Variants in DENND1B observed in about 807,000 individuals in gnomAD.
DENND1B encodes the protein DENN domain containing 1B, also known as DENN domain-containing protein 1B.
DENND1B carries 59 observed loss-of-function variants against 90.1 expected under a neutral mutation model. The observed-to-expected ratio is 0.65, with a 90% CI of 0.53 to 0.81. The LOEUF (loss-of-function observed/expected upper bound fraction) is 0.81, where lower values mean the gene tolerates loss of function less well. DENND1B is among the 40% of genes least tolerant of loss of function. The pLI, the probability that DENND1B is intolerant of heterozygous loss-of-function variation, is 0.00. For synonymous variants in DENND1B, 337 were observed against 324.6 expected, an observed-to-expected ratio of 1.04 and a Z score of -0.41; for missense variants, 862 against 912.6, an observed-to-expected ratio of 0.94 and a Z score of 0.71.
intron 7 of DENND1B, among the ~76,000 whole-genome samples, chr1:197,650,920 T>C (rs947130662): frequency 6.6e-6 from 1 of 152,164 alleles, no homozygotes; most frequent in African/African-American, 2.4e-5. Flanking sequence ...GTGTAGTGTA[T>C]ACTGCTAGAG....
At chr1:197,566,015 T>C (rs1184330189) in intron 15 of DENND1B, among the ~76,000 whole-genome samples, 2 of 152,008 alleles carry the variant, frequency 1.3e-5, no homozygotes, top group African/African-American at 4.8e-5. Context: ...AGTAATGGGA[T>C]GGCTGGGTCA....
chr1:197,630,476 CCTAA>C (rs1679229770), intron 10 of DENND1B, among the ~76,000 whole-genome samples: 1 of 151,942 alleles, frequency 6.6e-6, no homozygotes, highest in Non-Finnish European at 1.5e-5. Flanking sequence ...TCCTAAATGC[CCTAA>C]CTCTTAATAC....
intron 10 of DENND1B, 36 bp downstream of exon 10, chr1:197,642,675 A>T: frequency 6.7e-7 from 1 of 1,495,446 alleles, no homozygotes; most frequent in Non-Finnish European, 9.2e-7. Context: ...TGAAACACTC[A>T]ATACCTGCTA....
intron 2 of DENND1B, among the ~76,000 whole-genome samples, chr1:197,752,977 T>C (rs1243827044): frequency 1.3e-5 from 2 of 152,042 alleles, no homozygotes; most frequent in Non-Finnish European, 2.9e-5. Context: ...TCCTTTTTTA[T>C]GGCTGTGTAC....
chr1:197,566,271 G>C (rs565526591), intron 15 of DENND1B, among the ~76,000 whole-genome samples: 1 of 151,920 alleles, frequency 6.6e-6, no homozygotes, highest in Non-Finnish European at 1.5e-5. Flanking sequence ...TGTGTTTTTT[G>C]GCTGCATAAA....
chr1:197,588,957 G>C (rs1172539584), intron 14 of DENND1B, among the ~76,000 whole-genome samples: 5 of 151,886 alleles, frequency 3.3e-5, no homozygotes, highest in Non-Finnish European at 5.9e-5. Context: ...TGCTGGATCT[G>C]TCTTGAAAAA....
chr1:197,602,752 T>A (rs141617283), intron 13 of DENND1B, among the ~76,000 whole-genome samples: 91 of 151,536 alleles, frequency 6.0e-4, no homozygotes, highest in African/African-American at 2.1e-3. Flanking sequence ...TATTTTAGAA[T>A]TCCCTGAAAA....
intron 13 of DENND1B, among the ~76,000 whole-genome samples, chr1:197,604,417 T>A (rs1676487390): frequency 6.6e-6 from 1 of 151,156 alleles, no homozygotes; most frequent in Non-Finnish European, 1.5e-5. Context: ...TCTAAAATAT[T>A]ATGTGTGAAT....
At chr1:197,529,242 A>ATATATG (rs1553277550) in intron 20 of DENND1B, among the ~76,000 whole-genome samples, 228 of 10,726 alleles carry the variant, frequency 0.021, 1 homozygote, top group African/African-American at 0.036. Context: ...ATATATATAT[A>ATATATG]TGTGTGTGTG....
Position 197,576,737 on chromosome 1 carries a change from G to T in DENND1B, c.1149+6415C>A, listed in dbSNP as rs574098729. ...CTTCTGCCATGGGGGGCACTTTTTT[G>T]GATAGAAAAGTTTGAGAAATACACA... On this transcript the variant is annotated intron_variant, in intron 15 of 22. Coordinates refer to ENST00000620048, the MANE Select transcript of DENND1B (RefSeq NM_001195215.2). Among the ~76,000 whole-genome samples, 20 of 152,050 alleles carry T rather than the reference G, an allele frequency of 1.3e-4. No homozygotes were observed. In the East Asian group the frequency reaches 3.5e-3, roughly 26 times the overall value.
At chr1:197,661,347 G>A (rs1654386661) in intron 5 of DENND1B, among the ~76,000 whole-genome samples, 1 of 151,846 alleles carries the variant, frequency 6.6e-6, no homozygotes. Context: ...CTTCCACCAA[G>A]ACACATAATC....
At chr1:197,670,060 C>T (rs1261503616) in intron 5 of DENND1B, among the ~76,000 whole-genome samples, 1 of 152,014 alleles carries the variant, frequency 6.6e-6, no homozygotes, top group Non-Finnish European at 1.5e-5. Flanking sequence ...AAATTAATGA[C>T]AATTGGGTTG....
intron 6 of DENND1B, among the ~76,000 whole-genome samples, chr1:197,656,867 AGAATTTTG>A (rs1653888372): frequency 2.6e-5 from 4 of 152,196 alleles, no homozygotes; most frequent in Non-Finnish European, 5.9e-5. Context: ...ATTATCCCAT[AGAATTTTG>A]TTCATTCAAA....
At chr1:197,514,625 G>C (rs1668272472) in intron 20 of DENND1B, among the ~76,000 whole-genome samples, 1 of 151,636 alleles carries the variant, frequency 6.6e-6, no homozygotes, top group Admixed American at 6.6e-5. Context: ...GATTGGCCAT[G>C]AGTTGATAAT....
At chr1:197,735,493 T>G (rs1662558522) in intron 2 of DENND1B, 1 of 1,578,132 alleles carries the variant, frequency 6.3e-7, no homozygotes, top group African/African-American at 1.4e-5. Flanking sequence ...ATCTAAAGTT[T>G]TGCTTAACAG....
intron 10 of DENND1B, among the ~76,000 whole-genome samples, chr1:197,627,198 TA>T (rs1678835842): frequency 6.6e-6 from 1 of 152,124 alleles, no homozygotes; most frequent in Admixed American, 6.6e-5. Flanking sequence ...ATCATCCTGA[TA>T]CCAAAGCCGG....
chr1:197,588,694 C>T (rs760466391), intron 14 of DENND1B, among the ~76,000 whole-genome samples: 17 of 152,046 alleles, frequency 1.1e-4, no homozygotes, highest in Non-Finnish European at 2.4e-4. Flanking sequence ...TGCAGATTCT[C>T]ACAGGAAATA....
intron 14 of DENND1B, among the ~76,000 whole-genome samples, chr1:197,588,583 A>AAT (rs1163846228): frequency 6.6e-6 from 1 of 152,298 alleles, no homozygotes; most frequent in South Asian, 2.1e-4. Flanking sequence ...AAAGGAGTAT[A>AAT]AACAAACTAA....
chr1:197,537,925 A>C (rs947673337), intron 20 of DENND1B, among the ~76,000 whole-genome samples: 6 of 152,080 alleles, frequency 3.9e-5, no homozygotes, highest in Non-Finnish European at 8.8e-5. Context: ...ATTTGAGGTG[A>C]TGGATATGTT....
Sources: allele counts gnomAD v4.1 joint callset (sites outside exome capture counted in the v4.1 genomes callset), GRCh38; gene constraint gnomAD v4.1.1; transcripts MANE v1.5; gene names NCBI Gene and HGNC (gene_info 2026-07-23, HGNC 2026-07-21).